The following DPYD variants were observed in gnomAD, a reference collection of about 807,000 sequenced individuals.
DPYD encodes the protein dihydropyrimidine dehydrogenase [NADP(+)].
A neutral mutation model predicts 116.2 loss-of-function variants in DPYD; 109 were observed. The ratio of observed to expected loss-of-function variants is 0.94; its 90% CI spans 0.80 to 1.10. The LOEUF (loss-of-function observed/expected upper bound fraction) is 1.10. Ranked by LOEUF, DPYD falls within the 50% of genes least tolerant of loss-of-function variation. The pLI, the probability that DPYD is intolerant of heterozygous loss-of-function variation, is 0.00. For missense variants in DPYD, 1,302 were observed against 1,254.5 expected (o/e 1.04, Z -0.57); for synonymous variants, 440 against 432.0 (o/e 1.02, Z -0.23).
At chr1:97,597,274 G>A (rs944423769) in intron 8 of DPYD, among the ~76,000 whole-genome samples, 5 of 152,152 alleles carry the variant, frequency 3.3e-5, no homozygotes, top group African/African-American at 9.7e-5. Context: ...CAAGGTCCAC[G>A]GAGCCCTCCT....
At chr1:97,753,350 G>T (rs1665041793) in intron 3 of DPYD, among the ~76,000 whole-genome samples, 2 of 152,078 alleles carry the variant, frequency 1.3e-5, no homozygotes, top group African/African-American at 4.8e-5. Flanking sequence ...CTATAATTCT[G>T]GTTATCTCTG....
At chr1:97,585,466 T>G (rs1236495280) in intron 10 of DPYD, among the ~76,000 whole-genome samples, 1 of 152,164 alleles carries the variant, frequency 6.6e-6, no homozygotes, top group Non-Finnish European at 1.5e-5. Flanking sequence ...GATGACACAT[T>G]CCAAGGATCT....
At chr1:97,439,943 T>C (rs1039136209) in intron 14 of DPYD, among the ~76,000 whole-genome samples, 23 of 152,282 alleles carry the variant, frequency 1.5e-4, no homozygotes, top group African/African-American at 5.5e-4. Context: ...TACTTTCTAA[T>C]TTCTTTATGA....
chr1:97,568,597 T>A (rs1652690994), intron 11 of DPYD, among the ~76,000 whole-genome samples: 1 of 152,056 alleles, frequency 6.6e-6, no homozygotes, highest in Non-Finnish European at 1.5e-5. Context: ...AGACTCTAAT[T>A]AGTGTAATAT....
At position 97,601,179 on chromosome 1, in the gene DPYD, T is replaced by C. The variant is rs139366239; in HGVS notation, c.851-6013A>G. Among the ~76,000 whole-genome samples the C allele has an allele frequency of 2.2e-3, 330 of 152,216 alleles. 2 individuals carry two copies. The highest frequency in any genetic ancestry group is 7.7e-3 in the African/African-American group (319 of 41,560). On this transcript the variant is annotated intron_variant, in intron 8 of 22. Coordinates refer to ENST00000370192, the MANE Select transcript of DPYD (RefSeq NM_000110.4). ...TTAATCCTGTGGCTTTCAAACTCCT[T>C]GATTTTAGAATGCAGACAACCCTGC...
chr1:97,628,759 A>G (rs1372815564), intron 8 of DPYD, among the ~76,000 whole-genome samples: 1 of 152,120 alleles, frequency 6.6e-6, no homozygotes, highest in South Asian at 2.1e-4. Flanking sequence ...TCTTCATTAT[A>G]TGCAAATAGA....
At chr1:97,661,377 T>G (rs185238432) in intron 8 of DPYD, among the ~76,000 whole-genome samples, 3 of 152,188 alleles carry the variant, frequency 2.0e-5, no homozygotes, top group Admixed American at 1.3e-4. Flanking sequence ...TTCGGCATTA[T>G]GGAAACATAT....
intron 3 of DPYD, among the ~76,000 whole-genome samples, chr1:97,752,319 CACACAT>C (rs888169468): frequency 6.8e-5 from 10 of 147,328 alleles, no homozygotes; most frequent in East Asian, 1.9e-4. Flanking sequence ...CACACACACA[CACACAT>C]ACACACATAC....
In DPYD at chr1:97,267,521, T is replaced by C. The variant is rs138012081; in HGVS notation, c.2300-32527A>G. On this transcript the variant is annotated intron_variant, in intron 18 of 22. Coordinates refer to ENST00000370192, the MANE Select transcript of DPYD (RefSeq NM_000110.4). ...TGGTGAGAGCCTTCCTGCTGTGTCATCCCACGGTGGAAGGCAGAATGGCAC... is the reference window on the plus strand; with the variant it reads ...TGGTGAGAGCCTTCCTGCTGTGTCACCCCACGGTGGAAGGCAGAATGGCAC... 1.9e-3 allele frequency among the ~76,000 whole-genome samples: 293 copies of C among 152,172 alleles called. 1 individual carries two copies. Among genetic ancestry groups the C allele is most frequent in the Middle Eastern group, 0.017 (5 of 294 alleles).
intron 2 of DPYD, among the ~76,000 whole-genome samples, chr1:97,857,918 G>A (rs1023190922): frequency 6.6e-6 from 1 of 151,886 alleles, no homozygotes; most frequent in African/African-American, 2.4e-5. Context: ...ACTAGGAAGA[G>A]ACTCAACTGG....
At position 97,367,163 on chromosome 1, in the gene DPYD, A is replaced by G. The variant is rs372623710; in HGVS notation, c.2058+6398T>C. 3.9e-4 allele frequency among the ~76,000 whole-genome samples: 59 copies of G among 152,054 alleles called. 1 individual carries two copies. The East Asian group carries it at 9.3e-3, about 24-fold the overall frequency. ...ACTGTGGTCCTCACACTTGGTTTGG[A>G]TTCTCTTCCTGATGACGGACGTCTG... On this transcript the variant is annotated intron_variant, in intron 16 of 22. Transcript: ENST00000370192.
intron 22 of DPYD, 125 bp downstream of exon 22, chr1:97,082,205 G>T: frequency 8.6e-7 from 1 of 1,161,098 alleles, no homozygotes; most frequent in Non-Finnish European, 1.3e-6. Context: ...AAGATGTACT[G>T]TTGCAGAAGA....
intron 14 of DPYD, among the ~76,000 whole-genome samples, chr1:97,418,046 AG>A (rs1161592718): frequency 2.0e-5 from 3 of 152,230 alleles, no homozygotes; most frequent in Non-Finnish European, 2.9e-5. Context: ...ATTTTAAAAA[AG>A]TATTTTGTGG....
chr1:97,112,070 T>G (rs1434772697), intron 20 of DPYD, among the ~76,000 whole-genome samples: 1 of 152,134 alleles, frequency 6.6e-6, no homozygotes, highest in Non-Finnish European at 1.5e-5. Flanking sequence ...AACATTATTT[T>G]TATTATAGAA....
chr1:97,371,102 T>A (rs1671289714), intron 16 of DPYD, among the ~76,000 whole-genome samples: 1 of 152,122 alleles, frequency 6.6e-6, no homozygotes, highest in South Asian at 2.1e-4. Context: ...GTGTTACATC[T>A]ATATAATGTT....
intron 16 of DPYD, among the ~76,000 whole-genome samples, chr1:97,340,301 T>C (rs1282820951): frequency 3.3e-5 from 5 of 152,086 alleles, no homozygotes; most frequent in African/African-American, 1.2e-4. Flanking sequence ...AGTGATATAA[T>C]GATTACAGGA....
At chr1:97,280,541 T>C (rs900597006) in intron 18 of DPYD, among the ~76,000 whole-genome samples, 2 of 152,182 alleles carry the variant, frequency 1.3e-5, no homozygotes, top group Non-Finnish European at 2.9e-5. Context: ...ATGTACGCAA[T>C]GGAATACTAT....
At chr1:97,696,774 G>C (rs772701387) in intron 6 of DPYD, among the ~76,000 whole-genome samples, 15 of 152,002 alleles carry the variant, frequency 9.9e-5, no homozygotes, top group Non-Finnish European at 1.9e-4. Context: ...CTCTGACAGA[G>C]GTATGCTTCA....
At chr1:97,307,336 T>C (rs1395271831) in intron 16 of DPYD, among the ~76,000 whole-genome samples, 3 of 151,676 alleles carry the variant, frequency 2.0e-5, no homozygotes, top group Admixed American at 1.3e-4. Flanking sequence ...AACTATGAAA[T>C]AGCAGGCAAG....
Sources: gnomAD v4.1 joint callset for allele counts (sites outside exome capture counted in the v4.1 genomes callset) on GRCh38, gnomAD v4.1.1 for gene constraint, MANE v1.5 for transcripts, NCBI Gene and HGNC (gene_info 2026-07-23, HGNC 2026-07-21) for gene names.